Variants in BAIAP2L1 observed in about 807,000 individuals in gnomAD.
BAIAP2L1 encodes the protein BAR/IMD domain containing adaptor protein 2 like 1, also known as BAR/IMD domain-containing adapter protein 2-like 1.
In BAIAP2L1, 35 loss-of-function variants were observed where a neutral mutation model predicts 66.3. That is an observed-to-expected ratio of 0.53 (90% CI 0.40 to 0.70). BAIAP2L1 has a LOEUF of 0.70. Ranked by LOEUF, BAIAP2L1 falls within the 30% of genes least tolerant of loss-of-function variation. The probability of loss-of-function intolerance (pLI) is 0.00; values close to 1 mark genes in which losing one functional copy is unlikely to be tolerated. For missense variants in BAIAP2L1, 622 were observed against 656.9 expected (o/e 0.95, Z 0.58); for synonymous variants, 269 against 248.7 (o/e 1.08, Z -0.77).
At chr7:98,317,427 A>C in intron 5 of BAIAP2L1, 71 bp from the exon 6 acceptor site, 2 of 1,580,826 alleles carry the variant, frequency 1.3e-6, no homozygotes, top group Non-Finnish European at 1.7e-6. Flanking sequence ...GCCTTTACTC[A>C]CACTTCCACT....
At chr7:98,329,435 T>C (rs939139776) in intron 3 of BAIAP2L1, among the ~76,000 whole-genome samples, 3 of 152,060 alleles carry the variant, frequency 2.0e-5, no homozygotes, top group Non-Finnish European at 4.4e-5. Context: ...GGGTCAGTCT[T>C]TGCGGGCGGT....
At chr7:98,321,305 C>T (rs1801237277) in intron 3 of BAIAP2L1, among the ~76,000 whole-genome samples, 1 of 152,212 alleles carries the variant, frequency 6.6e-6, no homozygotes. Flanking sequence ...ATCGAATCCC[C>T]AGAGTAATCT....
At chr7:98,303,554 A>G (rs770537923) in intron 12 of BAIAP2L1, among the ~76,000 whole-genome samples, 1 of 152,178 alleles carries the variant, frequency 6.6e-6, no homozygotes, top group African/African-American at 2.4e-5. Flanking sequence ...TCCTATCACT[A>G]GAACAGAAGT....
rs142615784 is a variant in BAIAP2L1, at chr7:98,388,740, G to A, written c.51+12062C>T. The stretch of plus-strand genomic sequence containing the variant: ...TGTAATCCCAGCACTTTGGGAGACC[G>A]ATGCAGGCAGACGGCTTGAGCCCAG... On this transcript the variant is annotated intron_variant, in intron 1 of 13. Transcript: ENST00000005260. Among the ~76,000 whole-genome samples, 62 of 152,260 alleles carry A rather than the reference G, an allele frequency of 4.1e-4. No individual in the cohort carries two copies. The East Asian group carries it at 0.012, about 29-fold the overall frequency.
intron 12 of BAIAP2L1, 36 bp downstream of exon 12, chr7:98,304,160 C>T (rs990709721): frequency 6.6e-7 from 1 of 1,525,876 alleles, no homozygotes; most frequent in African/African-American, 1.4e-5. Context: ...GATGGCGAGT[C>T]CAGGACCCAG....
At chr7:98,337,855 T>G (rs989568039) in intron 3 of BAIAP2L1, among the ~76,000 whole-genome samples, 2 of 151,848 alleles carry the variant, frequency 1.3e-5, no homozygotes, top group African/African-American at 4.8e-5. Flanking sequence ...GAGGTGGAGG[T>G]TGCAGTGAGC....
intron 1 of BAIAP2L1, among the ~76,000 whole-genome samples, chr7:98,395,691 A>T (rs1408805962): frequency 1.3e-5 from 2 of 152,178 alleles, no homozygotes; most frequent in Non-Finnish European, 2.9e-5. Flanking sequence ...AGATAAGTTA[A>T]ACTAAATTTT....
intron 1 of BAIAP2L1, among the ~76,000 whole-genome samples, chr7:98,399,716 G>GT (rs1803305715): frequency 6.6e-6 from 1 of 152,148 alleles, no homozygotes; most frequent in African/African-American, 2.4e-5. Context: ...GAATTCATTT[G>GT]TAAGTATGTA....
intron 1 of BAIAP2L1, among the ~76,000 whole-genome samples, chr7:98,378,064 G>C (rs1007863852): frequency 7.9e-5 from 12 of 151,440 alleles, no homozygotes; most frequent in African/African-American, 2.7e-4. Context: ...CAGGAGAATC[G>C]CTTGAACCTA....
At chr7:98,341,564 T>C (rs1029849954) in intron 3 of BAIAP2L1, among the ~76,000 whole-genome samples, 3 of 152,078 alleles carry the variant, frequency 2.0e-5, no homozygotes, top group East Asian at 1.9e-4. Context: ...TTTGGACATA[T>C]AGAAAATTAA....
At chr7:98,358,611 C>T (rs1802195350) in intron 2 of BAIAP2L1, among the ~76,000 whole-genome samples, 1 of 152,170 alleles carries the variant, frequency 6.6e-6, no homozygotes, top group Non-Finnish European at 1.5e-5. Flanking sequence ...CCCACCTCAG[C>T]CTCCCAAAGT....
chr7:98,363,720 C>T (rs1001347800), intron 1 of BAIAP2L1, among the ~76,000 whole-genome samples: 1 of 152,268 alleles, frequency 6.6e-6, no homozygotes, highest in African/African-American at 2.4e-5. Flanking sequence ...CCCAAAGAGA[C>T]CATTCAAGTC....
At chr7:98,330,513 C>G (rs984609827) in intron 3 of BAIAP2L1, among the ~76,000 whole-genome samples, 1 of 151,954 alleles carries the variant, frequency 6.6e-6, no homozygotes, top group South Asian at 2.1e-4. Context: ...CAAAATTAGC[C>G]GGGCGTGGTG....
At position 98,364,848 on chromosome 7, in the gene BAIAP2L1, G is replaced by T. The variant is rs531878663; in HGVS notation, c.52-2416C>A. On this transcript the variant is annotated intron_variant, in intron 1 of 13. Coordinates refer to ENST00000005260, the MANE Select transcript of BAIAP2L1 (RefSeq NM_018842.5). ...AAAAAATAAAAACAATTAGCCAAGG[G>T]TGGTGGCTTGTGGCTGTGGTCCCAG... Among the ~76,000 whole-genome samples, 670 of 151,488 alleles carry T rather than the reference G, an allele frequency of 4.4e-3. 2 individuals are homozygous for T. Among genetic ancestry groups the T allele is most frequent in the Non-Finnish European group, 7.6e-3 (517 of 67,866 alleles).
At chr7:98,320,683 A>G (rs993135262) in intron 3 of BAIAP2L1, among the ~76,000 whole-genome samples, 8 of 152,138 alleles carry the variant, frequency 5.3e-5, no homozygotes, top group African/African-American at 1.9e-4. Flanking sequence ...AGAACAGGGA[A>G]ACACAGAAAT....
At chr7:98,299,138 C>T (rs1002067185) in intron 12 of BAIAP2L1, among the ~76,000 whole-genome samples, 1 of 152,254 alleles carries the variant, frequency 6.6e-6, no homozygotes, top group Admixed American at 6.5e-5. Context: ...GCCTCAGCCT[C>T]CCGAGTAGCT....
intron 1 of BAIAP2L1, among the ~76,000 whole-genome samples, chr7:98,363,160 G>A (rs896877244): frequency 1.3e-5 from 2 of 149,220 alleles, no homozygotes; most frequent in South Asian, 2.2e-4. Context: ...CCTGCCTCCC[G>A]AGTAGCTGGG....
At chr7:98,329,127 G>A (rs1584460827) in intron 3 of BAIAP2L1, among the ~76,000 whole-genome samples, 2 of 152,128 alleles carry the variant, frequency 1.3e-5, no homozygotes, top group Admixed American at 6.6e-5. Context: ...AGGCACTTCC[G>A]GTTTCCACTC....
chr7:98,302,010 A>C (rs1800449681), intron 12 of BAIAP2L1, among the ~76,000 whole-genome samples: 1 of 152,126 alleles, frequency 6.6e-6, no homozygotes, highest in Admixed American at 6.5e-5. Flanking sequence ...GGAAGTGGGA[A>C]GCCGGTAAGA....
Sources: allele counts gnomAD v4.1 joint callset (sites outside exome capture counted in the v4.1 genomes callset), GRCh38; gene constraint gnomAD v4.1.1; transcripts MANE v1.5; gene names NCBI Gene and HGNC (gene_info 2026-07-23, HGNC 2026-07-21).